PTPRG: variants seen among roughly 807,000 people sequenced by gnomAD.
The protein encoded by PTPRG is protein tyrosine phosphatase receptor type G.
A neutral mutation model predicts 165.3 loss-of-function variants in PTPRG; 102 were observed. That is an observed-to-expected ratio of 0.62 (90% CI 0.53 to 0.73). The LOEUF (loss-of-function observed/expected upper bound fraction) is 0.73. Among genes scored for constraint, PTPRG ranks in the 30% least tolerant of loss-of-function variants. The pLI is 0.00. For synonymous variants in PTPRG, 675 were observed against 669.5 expected, an observed-to-expected ratio of 1.01 and a Z score of -0.13; for missense variants, 1,866 against 1,861.4, an observed-to-expected ratio of 1.00 and a Z score of -0.05.
intron 2 of PTPRG, among the ~76,000 whole-genome samples, chr3:61,759,175 C>G (rs145157553): frequency 1.5e-3 from 228 of 152,240 alleles, no homozygotes; most frequent in African/African-American, 5.2e-3. Context: ...GTCTTTCTTG[C>G]TATTAAAACT....
chr3:62,061,952 AG>A (rs1700828238), intron 4 of PTPRG, among the ~76,000 whole-genome samples: 1 of 151,434 alleles, frequency 6.6e-6, no homozygotes, highest in Non-Finnish European at 1.5e-5. Flanking sequence ...CTTGATGCCA[AG>A]GTTGCTGCTT....
At chr3:61,747,608 T>A (rs978020387) in intron 1 of PTPRG, among the ~76,000 whole-genome samples, 1 of 150,964 alleles carries the variant, frequency 6.6e-6, no homozygotes, top group Non-Finnish European at 1.5e-5. Context: ...TTAATTGAAG[T>A]GTAAGCATAA....
chr3:61,866,332 A>G (rs181525836), intron 2 of PTPRG, among the ~76,000 whole-genome samples: 117 of 152,178 alleles, frequency 7.7e-4, no homozygotes, highest in African/African-American at 2.5e-3. Context: ...GCACGTGACC[A>G]TGATCATTTT....
At chr3:61,663,545 C>T (rs981687343) in intron 1 of PTPRG, among the ~76,000 whole-genome samples, 1 of 152,064 alleles carries the variant, frequency 6.6e-6, no homozygotes. Context: ...ACAATTTTTC[C>T]ATGGACCGGG....
chr3:62,026,887 A>G (rs1386284557), intron 4 of PTPRG, among the ~76,000 whole-genome samples: 1 of 151,462 alleles, frequency 6.6e-6, no homozygotes, highest in South Asian at 2.1e-4. Context: ...ATTAAAAAAA[A>G]AAAAAAAGAT....
chr3:62,074,229 A>G (rs1701303967), intron 4 of PTPRG, among the ~76,000 whole-genome samples: 1 of 151,386 alleles, frequency 6.6e-6, no homozygotes, highest in Non-Finnish European at 1.5e-5. Flanking sequence ...AGAGAGCGCA[A>G]AAGAGGTATA....
chr3:61,807,382 G>C (rs1182334876), intron 2 of PTPRG, among the ~76,000 whole-genome samples: 1 of 152,118 alleles, frequency 6.6e-6, no homozygotes, highest in African/African-American at 2.4e-5. Flanking sequence ...CTGTCTCTGG[G>C]CCAGCGTATA....
chr3:61,923,252 G>A (rs190194126), intron 2 of PTPRG, among the ~76,000 whole-genome samples: 2 of 152,152 alleles, frequency 1.3e-5, no homozygotes, highest in African/African-American at 4.8e-5. Flanking sequence ...TGTGTCAGTG[G>A]AGACCCTGAG....
chr3:61,899,572 T>C (rs2038447490), intron 2 of PTPRG, among the ~76,000 whole-genome samples: 1 of 152,176 alleles, frequency 6.6e-6, no homozygotes, highest in Non-Finnish European at 1.5e-5. Flanking sequence ...TCTCTGTTGT[T>C]GTGCTGTCTA....
chr3:62,002,284 A>G (rs1487900650), intron 3 of PTPRG, among the ~76,000 whole-genome samples: 1 of 152,212 alleles, frequency 6.6e-6, no homozygotes, highest in African/African-American at 2.4e-5. Context: ...AGCTCTAACT[A>G]GGATCTCTTT....
At chr3:61,843,808 A>G (rs1174669910) in intron 2 of PTPRG, among the ~76,000 whole-genome samples, 2 of 151,970 alleles carry the variant, frequency 1.3e-5, no homozygotes, top group Non-Finnish European at 2.9e-5. Flanking sequence ...AAATCTCTTA[A>G]AACTGGACAT....
At chr3:61,590,225 A>AG (rs1700534108) in intron 1 of PTPRG, among the ~76,000 whole-genome samples, 1 of 151,424 alleles carries the variant, frequency 6.6e-6, no homozygotes, top group East Asian at 1.9e-4. Flanking sequence ...TTTAATCAAA[A>AG]AAAAAAAAAA....
intron 2 of PTPRG, among the ~76,000 whole-genome samples, chr3:61,889,639 A>T (rs767951273): frequency 3.5e-4 from 53 of 152,306 alleles, no homozygotes; most frequent in East Asian, 3.9e-4. Context: ...TCATTTGAAC[A>T]TTACAGTCTA....
intron 6 of PTPRG, among the ~76,000 whole-genome samples, chr3:62,142,091 A>G (rs941983892): frequency 1.3e-5 from 2 of 150,400 alleles, no homozygotes; most frequent in African/African-American, 4.9e-5. Context: ...CGAGATTGGT[A>G]AAGTTAAGCA....
intron 1 of PTPRG, among the ~76,000 whole-genome samples, chr3:61,646,999 G>A (rs574801590): frequency 6.2e-4 from 95 of 152,234 alleles, no homozygotes; most frequent in African/African-American, 8.4e-4. Context: ...TTGTTTATCC[G>A]TTCATCTGTT....
chr3:62,200,069 C>T (rs952732979), intron 10 of PTPRG, among the ~76,000 whole-genome samples: 5 of 152,056 alleles, frequency 3.3e-5, no homozygotes, highest in African/African-American at 4.8e-5. Context: ...AGAGAAAGTA[C>T]CGTGATGGTT....
At position 62,237,031 on chromosome 3, in the gene PTPRG, T is replaced by C. The variant is rs986459154; in HGVS notation, c.2375+5720T>C. 6.6e-5 allele frequency among the ~76,000 whole-genome samples: 10 copies of C among 152,190 alleles called. No individual in the cohort carries two copies. Among genetic ancestry groups the C allele is most frequent in the African/African-American group, 2.4e-4 (10 of 41,440 alleles). ...GCAGTGTTGTGTGGAATTCCAGACA[T>C]TTCTAATGTTCAGTCTTTCTGCACT... On this transcript the variant is annotated intron_variant, in intron 14 of 29. Coordinates refer to ENST00000474889, the MANE Select transcript of PTPRG (RefSeq NM_002841.4). This position sits in a 1 kb window ranked among gnomAD's most constrained non-coding sequence, Gnocchi z 4.5.
chr3:62,216,521 A>G (rs1700509244), intron 12 of PTPRG, among the ~76,000 whole-genome samples: 2 of 151,976 alleles, frequency 1.3e-5, no homozygotes, highest in African/African-American at 4.8e-5. Flanking sequence ...TTAACAGGAC[A>G]TCCAGGTCTT....
intron 1 of PTPRG, among the ~76,000 whole-genome samples, chr3:61,668,673 CT>C (rs1408718342): frequency 6.6e-6 from 1 of 151,930 alleles, no homozygotes; most frequent in Non-Finnish European, 1.5e-5. Flanking sequence ...GGGTTTGTCG[CT>C]TTTTTTTAAA....
Sources: allele counts gnomAD v4.1 joint callset (sites outside exome capture counted in the v4.1 genomes callset), GRCh38; gene constraint gnomAD v4.1.1; non-coding constraint Gnocchi (gnomAD v3.1); transcripts MANE v1.5; gene names NCBI Gene and HGNC (gene_info 2026-07-23, HGNC 2026-07-21).